ZNF385D: variants seen among roughly 807,000 people sequenced by gnomAD.
ZNF385D encodes the protein zinc finger protein 659.
ZNF385D carries 15 observed loss-of-function variants against 35.8 expected under a neutral mutation model. That is an observed-to-expected ratio of 0.42 (90% CI 0.28 to 0.64). The LOEUF (loss-of-function observed/expected upper bound fraction) is 0.64. ZNF385D is among the 30% of genes least tolerant of loss of function. The probability of loss-of-function intolerance (pLI) is 0.23; values close to 1 mark genes in which losing one functional copy is unlikely to be tolerated. For synonymous variants in ZNF385D, 212 were observed against 186.8 expected (o/e 1.13, Z -1.10); for missense variants, 474 against 494.6 (o/e 0.96, Z 0.39).
intron 2 of ZNF385D, among the ~76,000 whole-genome samples, chr3:21,630,257 C>T (rs1444530155): frequency 1.4e-5 from 2 of 148,064 alleles, no homozygotes; most frequent in African/African-American, 2.5e-5. Context: ...GGCTGGAGTA[C>T]AATGTTGTAT....
At chr3:21,737,141 T>C (rs149426276) in intron 1 of ZNF385D, among the ~76,000 whole-genome samples, 181 of 152,256 alleles carry the variant, frequency 1.2e-3, no homozygotes, top group African/African-American at 4.0e-3. Context: ...AGTTTCACCA[T>C]GTTGGCCAGG....
chr3:21,602,512 A>ATTTTGTTTTTTTTTT (rs199882061), intron 2 of ZNF385D, among the ~76,000 whole-genome samples: 1 of 90,208 alleles, frequency 1.1e-5, no homozygotes, highest in African/African-American at 5.8e-5. Flanking sequence ...GTTTCCCTGC[A>ATTTTGTTTTTTTTTT]TTTTCTTTTT....
chr3:21,431,659 G>GA (rs1701298570), intron 5 of ZNF385D, among the ~76,000 whole-genome samples: 1 of 152,108 alleles, frequency 6.6e-6, no homozygotes, highest in African/African-American at 2.4e-5. Flanking sequence ...GAGTTATGAG[G>GA]CTGTTTTCAT....
intron 2 of ZNF385D, among the ~76,000 whole-genome samples, chr3:22,327,803 C>T (rs908109329): frequency 6.6e-6 from 1 of 152,064 alleles, no homozygotes; most frequent in Non-Finnish European, 1.5e-5. Context: ...CGACTTTGTC[C>T]CTGTGCTTTG....
chr3:21,913,122 G>A (rs1225235659), intron 3 of ZNF385D, among the ~76,000 whole-genome samples: 1 of 152,070 alleles, frequency 6.6e-6, no homozygotes, highest in Admixed American at 6.6e-5. Flanking sequence ...GCTGGAGATG[G>A]AATGTTCCTC....
intron 3 of ZNF385D, among the ~76,000 whole-genome samples, chr3:21,940,455 A>G (rs1343991350): frequency 2.6e-5 from 4 of 152,224 alleles, no homozygotes; most frequent in African/African-American, 9.6e-5. Context: ...ATTTTTTACA[A>G]CATAGCAAAT....
intron 2 of ZNF385D, chr3:22,372,351 C>A (rs1446944236): frequency 2.6e-6 from 2 of 768,038 alleles, no homozygotes; most frequent in African/African-American, 1.9e-5. Flanking sequence ...CAGCCCCTCG[C>A]GCCTGGTATC....
chr3:22,229,910 C>T (rs1017585771), intron 2 of ZNF385D, among the ~76,000 whole-genome samples: 1 of 152,174 alleles, frequency 6.6e-6, no homozygotes, highest in Non-Finnish European at 1.5e-5. Flanking sequence ...AATTGAGGCT[C>T]AACATTGTAC....
At chr3:22,037,815 T>C (rs1357300013) in intron 3 of ZNF385D, among the ~76,000 whole-genome samples, 2 of 152,176 alleles carry the variant, frequency 1.3e-5, no homozygotes, top group Non-Finnish European at 1.5e-5. Flanking sequence ...TTGCCTAGGT[T>C]TTCTTCTAGG....
intron 4 of ZNF385D, among the ~76,000 whole-genome samples, chr3:21,446,303 G>C (rs1378444757): frequency 3.9e-5 from 6 of 152,076 alleles, no homozygotes; most frequent in African/African-American, 1.4e-4. Flanking sequence ...AGGGAAATGA[G>C]AGATTGAGTG....
At chr3:22,009,168 C>G (rs1216024294) in intron 3 of ZNF385D, among the ~76,000 whole-genome samples, 2 of 152,048 alleles carry the variant, frequency 1.3e-5, no homozygotes, top group Non-Finnish European at 2.9e-5. Flanking sequence ...TCCAGTAATC[C>G]TATTTTTAGG....
chr3:21,668,707 T>C (rs530283957), intron 1 of ZNF385D, among the ~76,000 whole-genome samples: 2 of 152,328 alleles, frequency 1.3e-5, no homozygotes, highest in Admixed American at 1.3e-4. Flanking sequence ...CTTGTACCAA[T>C]CTGTACTTGC....
chr3:21,666,714 G>T (rs1330567378), intron 1 of ZNF385D, among the ~76,000 whole-genome samples: 2 of 152,144 alleles, frequency 1.3e-5, no homozygotes, highest in African/African-American at 2.4e-5. Flanking sequence ...GTTTAGTGTT[G>T]TTAAAAGTTT....
chr3:21,424,297 A>ATT lies in ZNF385D; in HGVS notation c.853-234_853-233insAA, dbSNP rs1269559326. ...CTATTATATATATACTTATATATATATATTTATATATATATATATATTTTT... is the reference window on the plus strand; with the variant it reads ...CTATTATATATATACTTATATATATATTTATTTATATATATATATATATTTTT... On this transcript the variant is annotated intron_variant, in intron 6 of 7. Transcript: ENST00000281523. 1.3e-3 allele frequency among the ~76,000 whole-genome samples: 102 copies of ATT among 77,374 alleles called. 2 individuals carry two copies. Among genetic ancestry groups the ATT allele is most frequent in the African/African-American group, 3.8e-3 (73 of 19,012 alleles). 50.8% of individuals were successfully genotyped at this position (77,374 alleles called of 152,430 possible).
intron 3 of ZNF385D, among the ~76,000 whole-genome samples, chr3:21,861,873 G>C (rs1697072650): frequency 6.6e-6 from 1 of 151,998 alleles, no homozygotes; most frequent in South Asian, 2.1e-4. Context: ...GACACACACA[G>C]TCACAACCAG....
intron 2 of ZNF385D, among the ~76,000 whole-genome samples, chr3:21,587,186 A>G (rs6763675): frequency 0.91 from 138,162 of 152,242 alleles, 62,870 homozygotes; most frequent in African/African-American, 0.97. Flanking sequence ...TTTTAGCAAT[A>G]TTAGGTGAAA....
At chr3:22,036,042 A>C (rs891288301) in intron 3 of ZNF385D, among the ~76,000 whole-genome samples, 7 of 152,196 alleles carry the variant, frequency 4.6e-5, no homozygotes, top group Non-Finnish European at 8.8e-5. Context: ...CTTGGATAAA[A>C]AGAAGACAAG....
At chr3:22,215,805 G>A (rs933170105) in intron 2 of ZNF385D, among the ~76,000 whole-genome samples, 2 of 151,666 alleles carry the variant, frequency 1.3e-5, no homozygotes, top group Admixed American at 6.6e-5. Context: ...CTGGTTTTAC[G>A]GCTCAAGGGG....
chr3:21,933,951 T>G (rs936576677), intron 3 of ZNF385D, among the ~76,000 whole-genome samples: 1 of 151,992 alleles, frequency 6.6e-6, no homozygotes, highest in African/African-American at 2.4e-5. Context: ...AGTTGCCTGG[T>G]GCATTGTTGC....
Sources: gnomAD v4.1 joint callset for allele counts (sites outside exome capture counted in the v4.1 genomes callset) on GRCh38, gnomAD v4.1.1 for gene constraint, MANE v1.5 for transcripts, NCBI Gene and HGNC (gene_info 2026-07-23, HGNC 2026-07-21) for gene names.